BTBD7: variants seen among roughly 807,000 people sequenced by gnomAD.
BTBD7 encodes the protein BTB domain containing 7, also known as BTB/POZ domain-containing protein 7.
BTBD7 carries 38 observed loss-of-function variants against 99.9 expected under a neutral mutation model. The observed-to-expected ratio is 0.38, with a 90% CI of 0.29 to 0.50. The LOEUF (loss-of-function observed/expected upper bound fraction) is 0.50. Among genes scored for constraint, BTBD7 ranks in the 20% least tolerant of loss-of-function variants. BTBD7 has a pLI of 0.93. For synonymous variants in BTBD7, 520 were observed against 511.4 expected, an observed-to-expected ratio of 1.02 and a Z score of -0.23; for missense variants, 1,170 against 1,394.6, an observed-to-expected ratio of 0.84 and a Z score of 2.57.
At chr14:93,330,243 A>G (rs998259381) in intron 1 of BTBD7, among the ~76,000 whole-genome samples, 1 of 152,224 alleles carries the variant, frequency 6.6e-6, no homozygotes, top group Non-Finnish European at 1.5e-5. Flanking sequence ...AAACTCTTCT[A>G]CAGACAAATA....
intron 3 of BTBD7, among the ~76,000 whole-genome samples, chr14:93,278,482 T>C (rs2052681028): frequency 6.6e-6 from 1 of 152,144 alleles, no homozygotes; most frequent in African/African-American, 2.4e-5. Flanking sequence ...ATGTGCTCCC[T>C]TCAAAACAGT....
At chr14:93,295,561 T>C (rs1434570618) in intron 2 of BTBD7, among the ~76,000 whole-genome samples, 1 of 152,220 alleles carries the variant, frequency 6.6e-6, no homozygotes, top group Non-Finnish European at 1.5e-5. Context: ...TTTTTAGGAA[T>C]GAAAAATAGG....
rs2052234280 is a variant in BTBD7, at chr14:93,241,859, A to G, written c.*414T>C. 5.4e-6 allele frequency: 1 copy of G among 185,230 alleles called. No homozygotes were observed. 11.5% of individuals were successfully genotyped at this position (185,230 alleles called of 1,614,324 possible). A position where few individuals can be genotyped will look rare whatever the true frequency, so the allele number is the denominator to read the frequency against. ...CATCTTAGTGTGCAATCCAATGCAC[A>G]TGGATTGGTAGATGAAAGGTAAAAT... On this transcript the variant is annotated 3_prime_UTR_variant, in exon 11 of 11. Transcript: ENST00000334746.
Position 93,238,257 on chromosome 14 carries a change from A to G in BTBD7, c.*4016T>C, listed in dbSNP as rs1292141586. ...TGACAGTCTGAGGATTTTCTAGAGG[A>G]AAAAAAAATCAAAGGACTTGCCAAA... On this transcript the variant is annotated 3_prime_UTR_variant, in exon 11 of 11. Transcript: ENST00000334746. 2 of 144,962 alleles carry G rather than the reference A, an allele frequency of 1.4e-5. No homozygotes were observed. Among genetic ancestry groups the G allele is most frequent in the East Asian group, 2.2e-4 (1 of 4,518 alleles). The allele number at this position is 144,962 out of a possible 1,614,324, so 9.0% of individuals were successfully genotyped here.
intron 3 of BTBD7, among the ~76,000 whole-genome samples, chr14:93,278,026 A>AT (rs2052675965): frequency 6.6e-6 from 1 of 152,210 alleles, no homozygotes; most frequent in Non-Finnish European, 1.5e-5. Context: ...TCCTTAGACC[A>AT]TTACCCCACT....
Position 93,257,301 on chromosome 14 carries a change from C to A in BTBD7, c.1502G>T (p.Arg501Ile). Residue 501 changes from arginine to isoleucine, a missense_variant, in exon 6 of 11, where the codon AGA becomes ATA. Around this residue, in one of 4 missense-constraint regions of BTBD7, gnomAD observed 309 missense variants for 342.0 expected, o/e 0.90. Coordinates refer to ENST00000334746, the MANE Select transcript of BTBD7 (RefSeq NM_001002860.4). ...AHSVNKRGVK[R>I]RDLDMEELRE... Reference sequence around the variant, plus strand: ...GAGCTCTTCCATGTCCAGGTCCCGTCTTTTTACACCTCTTTTGTTCACACT... The same window carrying A: ...GAGCTCTTCCATGTCCAGGTCCCGTATTTTTACACCTCTTTTGTTCACACT... The A allele has an allele frequency of 6.2e-7, 1 of 1,614,072 alleles. No homozygotes were observed. Among genetic ancestry groups the A allele is most frequent in the South Asian group, 1.1e-5 (1 of 91,068 alleles).
chr14:93,321,411 G>A (rs1022774081), intron 1 of BTBD7, among the ~76,000 whole-genome samples: 41 of 152,174 alleles, frequency 2.7e-4, no homozygotes, highest in African/African-American at 9.2e-4. Context: ...TGGCCAACAT[G>A]GTGAAACCCC....
At chr14:93,330,254 G>T (rs2053386856) in intron 1 of BTBD7, among the ~76,000 whole-genome samples, 1 of 152,178 alleles carries the variant, frequency 6.6e-6, no homozygotes, top group African/African-American at 2.4e-5. Flanking sequence ...CAGACAAATA[G>T]CTTTCCAACT....
In BTBD7 at chr14:93,294,065, T is replaced by G; in HGVS notation, c.955A>C (p.Ile319Leu). ...ACTGTTGCATATTTTTTTGGTATAA[T>G]GGACTCATCTAATATAATTCTTGTG... ...TPTRIILDES[I>L]IPKKYATVIL... The change falls in exon 3 of 11, where the codon ATT becomes CTT. Residue 319 changes from isoleucine (I) to leucine (L), a missense_variant. This residue lies in a region of BTBD7 where 359 missense variants were observed against 497.9 expected (regional missense o/e 0.72). Transcript: ENST00000334746. 5.0e-6 allele frequency: 8 copies of G among 1,614,116 alleles called. No homozygotes were observed. The highest frequency in any genetic ancestry group is 6.8e-6 in the Non-Finnish European group (8 of 1,179,974).
intron 1 of BTBD7, among the ~76,000 whole-genome samples, chr14:93,314,633 C>G (rs2053178245): frequency 6.6e-6 from 1 of 152,146 alleles, no homozygotes; most frequent in African/African-American, 2.4e-5. Flanking sequence ...TTACACATAT[C>G]TTTGCCCACT....
intron 1 of BTBD7, among the ~76,000 whole-genome samples, chr14:93,314,726 CAT>C (rs2053179351): frequency 6.6e-6 from 1 of 152,138 alleles, no homozygotes; most frequent in Admixed American, 6.5e-5. Context: ...AATTTGAAGA[CAT>C]ATTGTCAGAA....
intron 1 of BTBD7, among the ~76,000 whole-genome samples, chr14:93,316,169 G>A (rs575020067): frequency 6.6e-6 from 1 of 151,432 alleles, no homozygotes; most frequent in Non-Finnish European, 1.5e-5. Context: ...GGCCAGGCTG[G>A]TCTCGAACTC....
chr14:93,279,650 C>A (rs186368994), intron 3 of BTBD7, among the ~76,000 whole-genome samples: 1 of 152,116 alleles, frequency 6.6e-6, no homozygotes, highest in Admixed American at 6.6e-5. Flanking sequence ...CGGGTTCAAG[C>A]GATTCTCCTG....
intron 1 of BTBD7, among the ~76,000 whole-genome samples, chr14:93,323,240 T>G (rs996641336): frequency 6.6e-6 from 1 of 151,944 alleles, no homozygotes; most frequent in Non-Finnish European, 1.5e-5. Flanking sequence ...AGAACGCGAA[T>G]AGAAAAAAAA....
intron 3 of BTBD7, among the ~76,000 whole-genome samples, chr14:93,284,870 G>A (rs924093621): frequency 6.6e-6 from 1 of 151,770 alleles, no homozygotes; most frequent in African/African-American, 2.4e-5. Context: ...GAGAGCAGAG[G>A]GTCAGAGGTG....
chr14:93,312,435 T>C (rs900886243), intron 1 of BTBD7, among the ~76,000 whole-genome samples: 12 of 152,224 alleles, frequency 7.9e-5, no homozygotes, highest in East Asian at 3.8e-4. Flanking sequence ...AATTCACTTT[T>C]TTCTTTTGCT....
At position 93,261,690 on chromosome 14, in the gene BTBD7, A is replaced by G. The variant is rs376083658; in HGVS notation, c.1372-13T>C. The G allele has an allele frequency of 5.7e-6, 9 of 1,576,894 alleles. No individual in the cohort carries two copies. The highest frequency in any genetic ancestry group is 1.7e-5 in the Admixed American group (1 of 58,714). On this transcript the variant is annotated splice_polypyrimidine_tract_variant and intron_variant, in intron 4 of 10. Transcript: ENST00000334746. ...CTTGTTCACTTGCCTATAATAAAAA[A>G]TGGTTTATATTTATTTTAGTGAAAT...
At position 93,242,474 on chromosome 14, in the gene BTBD7, A is replaced by C. The variant is rs778108156; in HGVS notation, c.3198T>G (p.Phe1066Leu). 8.7e-6 allele frequency: 14 copies of C among 1,614,146 alleles called. 1 individual carries two copies. In the South Asian group the frequency reaches 1.2e-4, roughly 14 times the overall value. ...GTGAAGGTCTGTTAGGAGTCAGCCCAAAAGTCAAGTCAGTTTCTACTGCAG... is the reference window on the plus strand; with the variant it reads ...GTGAAGGTCTGTTAGGAGTCAGCCCCAAAGTCAAGTCAGTTTCTACTGCAG... ...GRTAVETDLTFGLTPNRPSLS... is the reference protein window; with the variant it reads ...GRTAVETDLTLGLTPNRPSLS... Residue 1066 changes from phenylalanine (F) to leucine (L), a missense_variant, in exon 11 of 11, where the codon TTT (phenylalanine) becomes TTG (leucine). Coordinates refer to ENST00000334746, the MANE Select transcript of BTBD7 (RefSeq NM_001002860.4).
intron 1 of BTBD7, among the ~76,000 whole-genome samples, chr14:93,301,971 T>C (rs78104869): frequency 0.073 from 11,143 of 152,164 alleles, 654 homozygotes; most frequent in East Asian, 0.25. Context: ...AGCGCAGGAA[T>C]TGACATCAGG....
Sources: allele counts gnomAD v4.1 joint callset (sites outside exome capture counted in the v4.1 genomes callset), GRCh38; gene constraint gnomAD v4.1.1; regional missense constraint gnomAD v4.1.1; transcripts MANE v1.5; gene names NCBI Gene and HGNC (gene_info 2026-07-23, HGNC 2026-07-21).